CHMP4B: variants seen among roughly 807,000 people sequenced by gnomAD.
CHMP4B encodes charged multivesicular body protein 4B, also known as SNF7 homolog associated with Alix 1.
In CHMP4B, 1 loss-of-function variant was observed where a neutral mutation model predicts 25.1. The ratio of observed to expected loss-of-function variants is 0.04; its 90% CI spans 0.01 to 0.19. The LOEUF (loss-of-function observed/expected upper bound fraction) is 0.19. Ranked by LOEUF, CHMP4B falls within the 10% of genes least tolerant of loss-of-function variation. CHMP4B has a pLI of 1.00. For missense variants in CHMP4B, 151 were observed against 289.7 expected (o/e 0.52, Z 3.48); for synonymous variants, 101 against 115.6 (o/e 0.87, Z 0.81).
At chr20:33,833,235 C>T (rs1979304240) in intron 1 of CHMP4B, among the ~76,000 whole-genome samples, 2 of 152,126 alleles carry the variant, frequency 1.3e-5, no homozygotes, top group Admixed American at 6.5e-5. Flanking sequence ...ATAGTTTCTC[C>T]CTCCCTGCCT....
intron 1 of CHMP4B, among the ~76,000 whole-genome samples, chr20:33,811,984 C>T (rs942799778): frequency 3.3e-5 from 5 of 152,156 alleles, no homozygotes; most frequent in Admixed American, 1.3e-4. Context: ...GCCTCACCCA[C>T]CTGCCTAGCT....
At chr20:33,846,947 G>T (rs1979705078) in intron 1 of CHMP4B, among the ~76,000 whole-genome samples, 5 of 152,166 alleles carry the variant, frequency 3.3e-5, no homozygotes, top group Admixed American at 3.3e-4. Context: ...AGTTTCTTTG[G>T]CTGGGCTACA....
At chr20:33,838,287 TAA>T (rs1210965934) in intron 1 of CHMP4B, among the ~76,000 whole-genome samples, 1 of 152,166 alleles carries the variant, frequency 6.6e-6, no homozygotes, top group Non-Finnish European at 1.5e-5. Context: ...CCTCCGGATG[TAA>T]GATTAGTGTC....
At chr20:33,842,291 C>T in intron 1 of CHMP4B, among the ~76,000 whole-genome samples, 1 of 152,086 alleles carries the variant, frequency 6.6e-6, no homozygotes, top group East Asian at 1.9e-4. Context: ...TGGGCATGTT[C>T]AGGGTGGTAT....
intron 4 of CHMP4B, 65 bp from the exon 5 acceptor site, chr20:33,853,431 C>T (rs939501860): frequency 4.7e-6 from 7 of 1,477,662 alleles, no homozygotes; most frequent in Middle Eastern, 1.7e-4. Flanking sequence ...AGGCAGCCCT[C>T]ATTTCCGGCC....
intron 1 of CHMP4B, among the ~76,000 whole-genome samples, chr20:33,830,450 A>C (rs890637251): frequency 6.6e-6 from 1 of 152,206 alleles, no homozygotes; most frequent in Admixed American, 6.5e-5. Context: ...TTATTTTCTC[A>C]GTTCTGGAGA....
At chr20:33,821,453 A>G (rs1415016733) in intron 1 of CHMP4B, among the ~76,000 whole-genome samples, 3 of 152,162 alleles carry the variant, frequency 2.0e-5, no homozygotes, top group African/African-American at 7.2e-5. Flanking sequence ...ATAAATAAAA[A>G]TAAGACTTTA....
Position 33,853,689 on chromosome 20 carries a change from A to C in CHMP4B, c.*129A>C. 1.7e-6 allele frequency: 1 copy of C among 580,454 alleles called. No individual in the cohort carries two copies. The allele number at this position is 580,454 out of a possible 1,614,324, so 36.0% of individuals were successfully genotyped here. ...TCGCTTTCGACTCTCACTCCAAAGC[A>C]GTAGGGCCGCGTTGCTGCTCACTCT... On this transcript the variant is annotated 3_prime_UTR_variant, in exon 5 of 5. Transcript: ENST00000217402.
At chr20:33,845,267 C>CA (rs1979655792) in intron 1 of CHMP4B, among the ~76,000 whole-genome samples, 2 of 152,088 alleles carry the variant, frequency 1.3e-5, no homozygotes, top group African/African-American at 4.8e-5. Flanking sequence ...GCGGAAGGGA[C>CA]TGCCGTTGCT....
At chr20:33,819,059 G>A (rs181421506) in intron 1 of CHMP4B, among the ~76,000 whole-genome samples, 127 of 152,204 alleles carry the variant, frequency 8.3e-4, no homozygotes, top group Middle Eastern at 3.4e-3. Flanking sequence ...ACAGGCATGC[G>A]CCACCAAGCC....
chr20:33,827,168 A>G (rs989971695), intron 1 of CHMP4B, among the ~76,000 whole-genome samples: 1 of 152,258 alleles, frequency 6.6e-6, no homozygotes, highest in East Asian at 1.9e-4. Flanking sequence ...GGTCTGGCAG[A>G]CCCCTAAGAC....
rs759309981 is a variant in CHMP4B, at chr20:33,831,362, AG to A, written c.191-17103del. Among the ~76,000 whole-genome samples, 7 of 152,216 alleles carry A rather than the reference AG, an allele frequency of 4.6e-5. 1 individual carries two copies. Among genetic ancestry groups the A allele is most frequent in the Admixed American group, 1.3e-4 (2 of 15,302 alleles). Reference sequence around the variant, plus strand: ...CGGCCTTCCAAAGTGCTGGGATTACAGGCATGAGCCACTGCACCCGGCCGTC... The same window carrying A: ...CGGCCTTCCAAAGTGCTGGGATTACAGCATGAGCCACTGCACCCGGCCGTC... On this transcript the variant is annotated intron_variant, in intron 1 of 4. Transcript: ENST00000217402.
chr20:33,848,074 A>T (rs1979737346), intron 1 of CHMP4B, among the ~76,000 whole-genome samples: 1 of 152,166 alleles, frequency 6.6e-6, no homozygotes, highest in South Asian at 2.1e-4. Context: ...AGGTGTTTAC[A>T]TACAGTATGT....
At chr20:33,827,981 G>A (rs553638168) in intron 1 of CHMP4B, among the ~76,000 whole-genome samples, 3 of 152,248 alleles carry the variant, frequency 2.0e-5, no homozygotes, top group South Asian at 2.1e-4. Flanking sequence ...AAAGAGCAGC[G>A]GGCTTTTCTG....
chr20:33,851,603 G>GGTTA (rs986936733), intron 3 of CHMP4B, among the ~76,000 whole-genome samples: 4 of 152,100 alleles, frequency 2.6e-5, no homozygotes, highest in African/African-American at 9.7e-5. Flanking sequence ...GTCTCCTGAA[G>GGTTA]GTTAGGTCCT....
chr20:33,836,037 G>A (rs1225099521), intron 1 of CHMP4B, among the ~76,000 whole-genome samples: 2 of 152,132 alleles, frequency 1.3e-5, no homozygotes, highest in Non-Finnish European at 1.5e-5. Flanking sequence ...GACTTGGCAG[G>A]GTCAAACAAA....
intron 1 of CHMP4B, among the ~76,000 whole-genome samples, chr20:33,819,686 C>T (rs886100051): frequency 3.3e-5 from 5 of 152,186 alleles, no homozygotes; most frequent in Non-Finnish European, 5.9e-5. Flanking sequence ...GGAAAAGGTG[C>T]TAGCTTTGGG....
chr20:33,845,792 C>G (rs1979673663), intron 1 of CHMP4B, among the ~76,000 whole-genome samples: 1 of 152,188 alleles, frequency 6.6e-6, no homozygotes, highest in Non-Finnish European at 1.5e-5. Context: ...GGAAAAGGAA[C>G]ACAGCACCAA....
chr20:33,811,914 A>G (rs1259232892), intron 1 of CHMP4B, among the ~76,000 whole-genome samples: 3 of 151,688 alleles, frequency 2.0e-5, no homozygotes, highest in Non-Finnish European at 4.4e-5. Flanking sequence ...TCAGACCCCA[A>G]TCTCACAGCA....
Sources: gnomAD v4.1 joint callset for allele counts (sites outside exome capture counted in the v4.1 genomes callset) on GRCh38, gnomAD v4.1.1 for gene constraint, MANE v1.5 for transcripts, NCBI Gene and HGNC (gene_info 2026-07-23, HGNC 2026-07-21) for gene names.